SCAPER: variants seen among roughly 807,000 people sequenced by gnomAD.
SCAPER encodes the protein S phase cyclin A-associated protein in the endoplasmic reticulum.
Under a neutral mutation model 182.2 loss-of-function variants are expected in SCAPER, and 98 were observed. The observed-to-expected ratio is 0.54, with a 90% CI of 0.46 to 0.64. The LOEUF is 0.64. SCAPER is among the 30% of genes least tolerant of loss of function. SCAPER has a pLI of 0.00. For missense variants in SCAPER, 1,432 were observed against 1,690.0 expected (o/e 0.85, Z 2.68); for synonymous variants, 605 against 564.6 (o/e 1.07, Z -1.01).
intron 29 of SCAPER, among the ~76,000 whole-genome samples, chr15:76,367,118 G>A (rs759573047): frequency 6.6e-6 from 1 of 152,202 alleles, no homozygotes; most frequent in African/African-American, 2.4e-5. Context: ...GAGCTGAAAG[G>A]CTTCTTCAGA....
Position 76,581,359 on chromosome 15 carries a change from A to G in SCAPER, c.2712-7075T>C, listed in dbSNP as rs77907204. Among the ~76,000 whole-genome samples the G allele has an allele frequency of 9.0e-3, 1,372 of 152,332 alleles. 20 individuals are homozygous for G. The highest frequency in any genetic ancestry group is 0.032 in the African/African-American group (1,333 of 41,570). On this transcript the variant is annotated intron_variant, in intron 22 of 31. Transcript: ENST00000563290. ...TACCAAAACCAGACAAAGCACAAAAAGAAAACAATAGGTCAATATCCCTGA... is the reference window on the plus strand; with the variant it reads ...TACCAAAACCAGACAAAGCACAAAAGGAAAACAATAGGTCAATATCCCTGA...
intron 23 of SCAPER, among the ~76,000 whole-genome samples, chr15:76,542,381 G>C (rs919770264): frequency 1.3e-5 from 2 of 151,878 alleles, no homozygotes; most frequent in Admixed American, 1.3e-4. Context: ...AAATTAGCTG[G>C]ATGTGGTGGT....
intron 23 of SCAPER, among the ~76,000 whole-genome samples, chr15:76,543,330 G>A (rs2044955425): frequency 6.6e-6 from 1 of 152,126 alleles, no homozygotes; most frequent in Non-Finnish European, 1.5e-5. Flanking sequence ...ATTGGTTGTA[G>A]GTTTAAGGTT....
intron 18 of SCAPER, among the ~76,000 whole-genome samples, chr15:76,703,963 T>G (rs1191834546): frequency 6.6e-6 from 1 of 152,290 alleles, no homozygotes; most frequent in African/African-American, 2.4e-5. Context: ...GGAGCCAGCA[T>G]GTAAATAACT....
Position 76,688,199 on chromosome 15 carries a change from G to C in SCAPER, c.2508+13559C>G, listed in dbSNP as rs187614225. On this transcript the variant is annotated intron_variant, in intron 20 of 31. Coordinates refer to ENST00000563290, the MANE Select transcript of SCAPER (RefSeq NM_020843.4). ...TTTCTCTAATGACCAGTGATGATGA[G>C]CTTTTCATCATATGTTTGTTGGCTG... 4.9e-3 allele frequency among the ~76,000 whole-genome samples: 667 copies of C among 137,204 alleles called. 7 individuals are homozygous for C. Among genetic ancestry groups the C allele is most frequent in the African/African-American group, 0.016 (635 of 38,492 alleles). 90.0% of individuals were successfully genotyped at this position (137,204 alleles called of 152,430 possible).
Position 76,501,024 on chromosome 15 carries a change from C to T in SCAPER, c.2954+3835G>A, listed in dbSNP as rs975664795. On this transcript the variant is annotated intron_variant, in intron 24 of 31. Coordinates refer to ENST00000563290, the MANE Select transcript of SCAPER (RefSeq NM_020843.4). ...CACCACTGCACTCCAGCCTGGGTGA[C>T]GGAGTAAAACCCTGTCTAAAAAAAA... 4.7e-5 allele frequency among the ~76,000 whole-genome samples: 7 copies of T among 147,656 alleles called. No homozygotes were observed. The South Asian group carries it at 8.6e-4, about 18-fold the overall frequency.
At chr15:76,538,999 GTT>G (rs1264824462) in intron 23 of SCAPER, among the ~76,000 whole-genome samples, 25 of 151,396 alleles carry the variant, frequency 1.7e-4, no homozygotes, top group African/African-American at 5.8e-4. Flanking sequence ...ATATAAACAA[GTT>G]TATATGAATC....
intron 5 of SCAPER, among the ~76,000 whole-genome samples, chr15:76,838,973 C>G (rs1403290667): frequency 6.6e-6 from 1 of 152,218 alleles, no homozygotes; most frequent in Non-Finnish European, 1.5e-5. Flanking sequence ...CCAGCCCACC[C>G]TAGCTTACTT....
chr15:76,851,091 A>G (rs2070710857), intron 4 of SCAPER, among the ~76,000 whole-genome samples: 1 of 152,166 alleles, frequency 6.6e-6, no homozygotes, highest in Non-Finnish European at 1.5e-5. Flanking sequence ...GACCAAGCTG[A>G]GGAAAGAATC....
chr15:76,616,709 G>A (rs780980060), intron 22 of SCAPER, among the ~76,000 whole-genome samples: 4 of 152,054 alleles, frequency 2.6e-5, no homozygotes, highest in Non-Finnish European at 5.9e-5. Flanking sequence ...TAGATATGAA[G>A]TACTGATGAC....
intron 24 of SCAPER, among the ~76,000 whole-genome samples, chr15:76,478,870 T>G (rs137929389): frequency 5.9e-5 from 9 of 152,312 alleles, no homozygotes; most frequent in African/African-American, 1.2e-4. Context: ...TGTGGAACAT[T>G]ACAACTCTAT....
chr15:76,641,029 G>A (rs2054065260), intron 21 of SCAPER, among the ~76,000 whole-genome samples: 1 of 152,102 alleles, frequency 6.6e-6, no homozygotes, highest in South Asian at 2.1e-4. Flanking sequence ...ATAAGATAGG[G>A]CTATAAACAC....
intron 20 of SCAPER, among the ~76,000 whole-genome samples, chr15:76,699,432 G>T (rs1396156083): frequency 2.6e-5 from 4 of 152,142 alleles, no homozygotes; most frequent in African/African-American, 9.7e-5. Context: ...TTTGAGCTAT[G>T]TTCCTTCAAT....
intron 4 of SCAPER, among the ~76,000 whole-genome samples, chr15:76,857,005 T>C (rs2071440393): frequency 6.6e-6 from 1 of 152,210 alleles, no homozygotes; most frequent in Non-Finnish European, 1.5e-5. Context: ...TTAGAGCTAT[T>C]TAAAATTTTT....
At chr15:76,509,625 T>C (rs1256650130) in intron 23 of SCAPER, among the ~76,000 whole-genome samples, 1 of 152,182 alleles carries the variant, frequency 6.6e-6, no homozygotes, top group Non-Finnish European at 1.5e-5. Flanking sequence ...CATTTTAAAA[T>C]AGTGTGAAAA....
At chr15:76,612,897 T>G (rs2051129520) in intron 22 of SCAPER, among the ~76,000 whole-genome samples, 1 of 152,216 alleles carries the variant, frequency 6.6e-6, no homozygotes, top group African/African-American at 2.4e-5. Flanking sequence ...ACCATTGATA[T>G]TCTTCACAGA....
At chr15:76,857,562 T>C (rs1038635638) in intron 4 of SCAPER, among the ~76,000 whole-genome samples, 3 of 152,166 alleles carry the variant, frequency 2.0e-5, no homozygotes, top group Admixed American at 2.0e-4. Context: ...AAAACTTCAA[T>C]GTAAGTGAGG....
chr15:76,420,137 C>CA (rs1423494001), intron 26 of SCAPER, among the ~76,000 whole-genome samples: 4 of 151,850 alleles, frequency 2.6e-5, no homozygotes, highest in African/African-American at 9.7e-5. Context: ...GAACATACCT[C>CA]AACACAATAT....
At chr15:76,850,108 G>A (rs2070577496) in intron 4 of SCAPER, among the ~76,000 whole-genome samples, 2 of 152,176 alleles carry the variant, frequency 1.3e-5, no homozygotes, top group Admixed American at 1.3e-4. Flanking sequence ...TGGGGACACA[G>A]AGCCAAACCA....
Sources: gnomAD v4.1 joint callset for allele counts (sites outside exome capture counted in the v4.1 genomes callset) on GRCh38, gnomAD v4.1.1 for gene constraint, MANE v1.5 for transcripts, NCBI Gene and HGNC (gene_info 2026-07-23, HGNC 2026-07-21) for gene names.